The following TATDN2 variants were observed in gnomAD, a reference collection of about 807,000 sequenced individuals.
TATDN2 encodes 3'-5' RNA nuclease TATDN2.
TATDN2 carries 44 observed loss-of-function variants against 60.3 expected under a neutral mutation model. That is an observed-to-expected ratio of 0.73 (90% CI 0.57 to 0.94). The LOEUF (loss-of-function observed/expected upper bound fraction) is 0.94, where lower values mean the gene tolerates loss of function less well. TATDN2 is among the 40% of genes least tolerant of loss of function. The probability of loss-of-function intolerance (pLI) is 0.00; values close to 1 mark genes in which losing one functional copy is unlikely to be tolerated. For synonymous variants in TATDN2, 399 were observed against 355.8 expected (o/e 1.12, Z -1.37); for missense variants, 997 against 948.0 (o/e 1.05, Z -0.68).
In TATDN2 at chr3:10,260,301, C is replaced by A; in HGVS notation, c.579C>A (p.Gly193=). Residue 193 remains glycine, a synonymous_variant, in exon 3 of 8, where the codon GGC becomes GGA. Transcript: ENST00000448281. ...STMIYLKAIQ[G]ILGKSMPKRK... ...TGATCTACCTGAAGGCTATCCAGGG[C>A]ATCCTGGGGAAATCGATGCCAAAAA... The A allele has an allele frequency of 6.2e-7, 1 of 1,614,172 alleles. No homozygotes were observed. Among genetic ancestry groups the A allele is most frequent in the Non-Finnish European group, 8.5e-7 (1 of 1,180,028 alleles).
rs1698541628 is a variant in TATDN2, at chr3:10,270,366, A to ACAG, written c.1185_1186insAGC (p.Tyr395_Pro396insSer). ...ACCAGCAGCCCCAAGCCTTCTAGCT[A>ACAG]CCCCTCCACAGGCAGCAGCAGCAAC... On this transcript the variant is annotated inframe_insertion, in exon 4 of 8. Coordinates refer to ENST00000448281, the MANE Select transcript of TATDN2 (RefSeq NM_014760.4). 1 of 1,613,960 alleles carries ACAG rather than the reference A, an allele frequency of 6.2e-7. No individual in the cohort carries two copies. The highest frequency in any genetic ancestry group is 8.5e-7 in the Non-Finnish European group (1 of 1,180,022).
At position 10,278,507 on chromosome 3, in the gene TATDN2, T is replaced by G. The variant is rs1576018925; in HGVS notation, c.2145+45T>G. On this transcript the variant is annotated intron_variant, in intron 6 of 7. Transcript: ENST00000448281. The surrounding 1 kb of genome is among the most constrained non-coding windows in gnomAD (Gnocchi z 4.7). ...GAGTGGAGGCACCGGAGGGAGAGGG[T>G]GGGGAGGTGGGTGGTCACCCTTACA... The G allele has an allele frequency of 1.3e-6, 2 of 1,587,338 alleles. No individual in the cohort carries two copies. The highest frequency in any genetic ancestry group is 1.7e-6 in the Non-Finnish European group (2 of 1,160,838).
At chr3:10,266,435 G>T (rs765791593) in intron 3 of TATDN2, among the ~76,000 whole-genome samples, 2 of 152,216 alleles carry the variant, frequency 1.3e-5, no homozygotes, top group Non-Finnish European at 2.9e-5. Flanking sequence ...AGTATGGTAG[G>T]TGAGCATGTG....
chr3:10,270,649 A>G lies in TATDN2; in HGVS notation c.1467A>G (p.Pro489=). Residue 489 remains proline (P), a synonymous_variant, in exon 4 of 8, where the codon CCA becomes CCG. Coordinates refer to ENST00000448281, the MANE Select transcript of TATDN2 (RefSeq NM_014760.4). ...SSSLPKSHLE[P]SLEEGFIDTH... ...CCCTGCCAAAGAGCCACCTGGAGCC[A>G]AGCCTAGAGGAGGGCTTCATTGACA... is the stretch of plus-strand genomic sequence containing the variant. 6.2e-7 allele frequency: 1 copy of G among 1,614,250 alleles called. No homozygotes were observed. Among genetic ancestry groups the G allele is most frequent in the Non-Finnish European group, 8.5e-7 (1 of 1,180,050 alleles).
chr3:10,257,022 C>T (rs1239602154), intron 2 of TATDN2, among the ~76,000 whole-genome samples: 2 of 151,794 alleles, frequency 1.3e-5, no homozygotes, highest in Non-Finnish European at 2.9e-5. Context: ...AGGCCAGGCA[C>T]GGTGGCTCAT....
chr3:10,253,968 A>G (rs1352510115), intron 2 of TATDN2, among the ~76,000 whole-genome samples: 1 of 152,176 alleles, frequency 6.6e-6, no homozygotes, highest in Admixed American at 6.5e-5. Flanking sequence ...GCCTGGCATC[A>G]GATGTAGGGG....
At chr3:10,273,282 T>C (rs1198452426) in intron 4 of TATDN2, among the ~76,000 whole-genome samples, 2 of 151,646 alleles carry the variant, frequency 1.3e-5, no homozygotes, top group East Asian at 3.9e-4. Flanking sequence ...CTAGGCTGGG[T>C]GGGGGATATG....
chr3:10,279,004 C>T lies in TATDN2; in HGVS notation c.2265C>T (p.Thr755=), dbSNP rs936712527. 1 of 1,614,254 alleles carries T rather than the reference C, an allele frequency of 6.2e-7. No homozygotes were observed. The highest frequency in any genetic ancestry group is 2.2e-5 in the East Asian group (1 of 44,884). Residue 755 remains threonine (T), a synonymous_variant, in exon 7 of 8, where the codon ACC becomes ACT. Transcript: ENST00000448281. Reference sequence around the variant, plus strand: ...CCTTGGCTGCCTTGCGTGAGAACACCAGTCGCCTCTACAGTCTTTAAGCAG... The same window carrying T: ...CCTTGGCTGCCTTGCGTGAGAACACTAGTCGCCTCTACAGTCTTTAAGCAG... The part of the protein sequence containing the change: ...SLTLAALREN[T]SRLYSL
chr3:10,260,060 A>G, intron 2 of TATDN2, 77 bp from the exon 3 acceptor site: 2 of 1,493,038 alleles, frequency 1.3e-6, no homozygotes, highest in Non-Finnish European at 1.8e-6. Context: ...ACCACCACTG[A>G]TTTATAATTT....
In TATDN2 at chr3:10,270,116, C is replaced by A. The variant is rs767495493; in HGVS notation, c.949-15C>A. On this transcript the variant is annotated splice_polypyrimidine_tract_variant and intron_variant, in intron 3 of 7. Coordinates refer to ENST00000448281, the MANE Select transcript of TATDN2 (RefSeq NM_014760.4). ...CGGAAGGCTAACCCACTGTTGTATG[C>A]CTTCTTTTCTGCAGCATAAAGATAG... 1.3e-6 allele frequency: 2 copies of A among 1,599,790 alleles called. No individual in the cohort carries two copies. Among genetic ancestry groups the A allele is most frequent in the Non-Finnish European group, 1.7e-6 (2 of 1,173,478 alleles).
chr3:10,260,221 C>T lies in TATDN2; in HGVS notation c.499C>T (p.Pro167Ser). 6.2e-7 allele frequency: 1 copy of T among 1,614,066 alleles called. No homozygotes were observed. The highest frequency in any genetic ancestry group is 8.5e-7 in the Non-Finnish European group (1 of 1,180,028). The change falls in exon 3 of 8, where the codon CCC becomes TCC. Residue 167 changes from proline (P) to serine (S), a missense_variant. Coordinates refer to ENST00000448281, the MANE Select transcript of TATDN2 (RefSeq NM_014760.4). The stretch of plus-strand genomic sequence containing the variant: ...GGGTCAGAATGATACAATTGAGGAA[C>T]CCAACAAGGTCCAGAAAAGGAAGAG... ...AEGQNDTIEEPNKVQKRKRDR... is the reference protein window; with the variant it reads ...AEGQNDTIEESNKVQKRKRDR...
At chr3:10,265,325 C>T (rs1698462036) in intron 3 of TATDN2, among the ~76,000 whole-genome samples, 1 of 150,450 alleles carries the variant, frequency 6.6e-6, no homozygotes, top group Non-Finnish European at 1.5e-5. Context: ...GATCCACCTG[C>T]CTCGGCCTCC....
chr3:10,253,888 A>T (rs993513225), intron 2 of TATDN2, among the ~76,000 whole-genome samples: 1 of 152,248 alleles, frequency 6.6e-6, no homozygotes, highest in African/African-American at 2.4e-5. Context: ...GTGGGGTAAT[A>T]TCAGATTAGT....
intron 4 of TATDN2, 52 bp downstream of exon 4, chr3:10,271,067 TTGAAGCC>T (rs1698556499): frequency 6.7e-7 from 1 of 1,499,434 alleles, no homozygotes; most frequent in African/African-American, 1.4e-5. Context: ...CTTTTAGTTG[TTGAAGCC>T]TGACAATAAG....
rs545059452 is a variant in TATDN2, at chr3:10,255,006, C to A, written c.415-5131C>A. Among the ~76,000 whole-genome samples, 10 of 115,608 alleles carry A rather than the reference C, an allele frequency of 8.6e-5. No homozygotes were observed. In the South Asian group the frequency reaches 3.7e-3, roughly 43 times the overall value. The allele number at this position is 115,608 out of a possible 152,430, so 75.8% of individuals were successfully genotyped here. On this transcript the variant is annotated intron_variant, in intron 2 of 7. Transcript: ENST00000448281. Reference sequence around the variant, plus strand: ...CCCCCTTCCCCCTTCCTCCTTCCCACTTCCCACTCCCCCTCCCCCTCCCCC... The same window carrying A: ...CCCCCTTCCCCCTTCCTCCTTCCCAATTCCCACTCCCCCTCCCCCTCCCCC...
intron 2 of TATDN2, among the ~76,000 whole-genome samples, chr3:10,257,450 G>A (rs1056171757): frequency 2.0e-5 from 3 of 150,688 alleles, no homozygotes; most frequent in African/African-American, 7.3e-5. Context: ...GGCCAACATG[G>A]CGAAACCCCG....
intron 2 of TATDN2, among the ~76,000 whole-genome samples, chr3:10,249,935 CA>C (rs1264126158): frequency 6.6e-6 from 1 of 152,198 alleles, no homozygotes; most frequent in Non-Finnish European, 1.5e-5. Flanking sequence ...CCAGATTTTT[CA>C]GTGCTCCCCA....
intron 3 of TATDN2, among the ~76,000 whole-genome samples, chr3:10,268,899 T>G (rs928416024): frequency 6.6e-6 from 1 of 152,238 alleles, no homozygotes; most frequent in Non-Finnish European, 1.5e-5. Context: ...GATGGTTGTT[T>G]CAGTCACTAT....
chr3:10,265,717 C>T (rs1314979900), intron 3 of TATDN2, among the ~76,000 whole-genome samples: 1 of 150,328 alleles, frequency 6.7e-6, no homozygotes, highest in Admixed American at 6.6e-5. Context: ...TTTTTGTCAT[C>T]CAGGTTGGAG....
Sources: allele counts gnomAD v4.1 joint callset (sites outside exome capture counted in the v4.1 genomes callset), GRCh38; gene constraint gnomAD v4.1.1; non-coding constraint Gnocchi (gnomAD v3.1); transcripts MANE v1.5; gene names NCBI Gene and HGNC (gene_info 2026-07-23, HGNC 2026-07-21).